The following TAS1R2 variants were observed in gnomAD, a reference collection of about 807,000 sequenced individuals.
The protein encoded by TAS1R2 is taste receptor type 1 member 2.
Under a neutral mutation model 49.3 loss-of-function variants are expected in TAS1R2, and 47 were observed. The observed-to-expected ratio is 0.95, with a 90% confidence interval of 0.75 to 1.22. The LOEUF (loss-of-function observed/expected upper bound fraction) is 1.22, where lower values mean the gene tolerates loss of function less well. Among genes scored for constraint, TAS1R2 ranks in the 50% most tolerant of loss-of-function variants. The pLI is 0.00. For missense variants in TAS1R2, 1,155 were observed against 1,122.1 expected, an observed-to-expected ratio of 1.03 and a Z score of -0.42; for synonymous variants, 479 against 467.9, an observed-to-expected ratio of 1.02 and a Z score of -0.31.
chr1:18,846,850 T>C (rs986514888), intron 4 of TAS1R2, among the ~76,000 whole-genome samples: 2 of 151,924 alleles, frequency 1.3e-5, no homozygotes, highest in Non-Finnish European at 1.5e-5. Context: ...TGGTGGGAGG[T>C]GATTGGATCA....
rs371978810 is a variant in TAS1R2, at chr1:18,854,834, G to A, written c.636C>T (p.Ser212=). 5.2e-5 allele frequency: 83 copies of A among 1,608,328 alleles called. No homozygotes were observed. The South Asian group carries it at 5.5e-4, about 11-fold the overall frequency. ...GGCCATTGTCGCGGCCATAGGTGTC[G>A]CTGCTCACCAGCACAATGATCCAGT... The change falls in exon 3 of 6, where the codon AGC becomes AGT. Residue 212 remains serine (S), a synonymous_variant. Transcript: ENST00000375371. The surrounding 1 kb of genome is among the most constrained non-coding windows in gnomAD (Gnocchi z 4.9).
At chr1:18,841,805 C>A in exon 5 of TAS1R2, 1 of 1,613,726 alleles carries the variant, frequency 6.2e-7, no homozygotes, top group South Asian at 1.1e-5. Context: ...CCACAGGCTT[C>A]TTCTTTTGCC....
intron 1 of TAS1R2, among the ~76,000 whole-genome samples, chr1:18,858,827 T>A (rs1168193290): frequency 1.3e-5 from 2 of 152,206 alleles, no homozygotes; most frequent in African/African-American, 4.8e-5. Flanking sequence ...GCATTTCTCA[T>A]ACTCAACCCT....
At chr1:18,852,384 T>C (rs1037659739) in intron 3 of TAS1R2, among the ~76,000 whole-genome samples, 1 of 152,206 alleles carries the variant, frequency 6.6e-6, no homozygotes, top group Non-Finnish European at 1.5e-5. Flanking sequence ...GCCACAGGTC[T>C]GCGTGCATCC....
At chr1:18,853,212 G>A (rs929856958) in intron 3 of TAS1R2, among the ~76,000 whole-genome samples, 2 of 152,136 alleles carry the variant, frequency 1.3e-5, no homozygotes, top group African/African-American at 2.4e-5. Flanking sequence ...CTCACAGGAG[G>A]GTCATGAGTT....
rs748655290 is a variant in TAS1R2, at chr1:18,839,799, C to T, written c.2320G>A (p.Val774Ile). The T allele has an allele frequency of 3.3e-5, 53 of 1,614,050 alleles. No homozygotes were observed. The highest frequency in any genetic ancestry group is 1.6e-4 in the Middle Eastern group (1 of 6,084). ...GCAGACATGAAGGTGCAGAGGGAGA[C>T]GGATGAGGTGAAATAGAAGGTCATG... The change falls in exon 6 of 6, where the codon GTC (valine) becomes ATC (isoleucine). Residue 774 changes from valine to isoleucine, a missense_variant. Val to Ile is a conservative substitution (Grantham distance 29). Transcript: ENST00000375371.
chr1:18,845,013 C>A (rs998176015), intron 4 of TAS1R2, among the ~76,000 whole-genome samples: 23 of 152,226 alleles, frequency 1.5e-4, no homozygotes, highest in Admixed American at 1.2e-3. Flanking sequence ...AAAAGACCAG[C>A]CAACCAACTG....
At chr1:18,839,955 G>A (rs1933785501) in exon 6 of TAS1R2, 2 of 1,614,188 alleles carry the variant, frequency 1.2e-6, no homozygotes, top group East Asian at 4.5e-5. Context: ...CGGTAGTTGG[G>A]GTTACAGGAG....
intron 4 of TAS1R2, among the ~76,000 whole-genome samples, chr1:18,843,988 T>G (rs547161598): frequency 1.3e-5 from 2 of 152,332 alleles, no homozygotes; most frequent in East Asian, 3.9e-4. Flanking sequence ...AAATCATACC[T>G]AAGACCTCAG....
At chr1:18,846,186 G>A (rs903031402) in intron 4 of TAS1R2, among the ~76,000 whole-genome samples, 1 of 152,174 alleles carries the variant, frequency 6.6e-6, no homozygotes, top group Non-Finnish European at 1.5e-5. Flanking sequence ...CTTGTATTCT[G>A]CCCTAAGGCT....
At chr1:18,851,965 G>A (rs1419748857) in intron 3 of TAS1R2, among the ~76,000 whole-genome samples, 1 of 152,216 alleles carries the variant, frequency 6.6e-6, no homozygotes, top group Non-Finnish European at 1.5e-5. Flanking sequence ...TGTCTGTCTG[G>A]GGGTGACTGA....
chr1:18,855,576 C>T (rs749575913), intron 2 of TAS1R2, among the ~76,000 whole-genome samples: 5 of 152,216 alleles, frequency 3.3e-5, no homozygotes, highest in East Asian at 1.9e-4. Context: ...TGCTCTCCCC[C>T]TCCCTTGGTG....
chr1:18,858,708 A>C lies in TAS1R2; in HGVS notation c.182+771T>G, dbSNP rs115447540. On this transcript the variant is annotated intron_variant, in intron 1 of 5. Transcript: ENST00000375371. ...TTTCATCACAACTATCACCATCATT[A>C]TACACCCCACCATGATCACAAGCAT... Among the ~76,000 whole-genome samples, 1,420 of 152,280 alleles carry C rather than the reference A, an allele frequency of 9.3e-3. 31 individuals carry two copies. The highest frequency in any genetic ancestry group is 0.032 in the African/African-American group (1,333 of 41,534).
chr1:18,855,046 C>A lies in TAS1R2; in HGVS notation c.484-60G>T, dbSNP rs1934115396. On this transcript the variant is annotated intron_variant, in intron 2 of 5. Coordinates refer to ENST00000375371, the Ensembl canonical transcript of TAS1R2. ...CCCGCTGGGTGCTCTGCCCCCACCC[C>A]AGGGCTCTATCCACCATCATCATCT... 6 of 1,557,366 alleles carry A rather than the reference C, an allele frequency of 3.9e-6. 1 individual carries two copies. The Admixed American group carries it at 7.0e-5, about 18-fold the overall frequency.
intron 2 of TAS1R2, among the ~76,000 whole-genome samples, chr1:18,855,892 A>G (rs1407520730): frequency 6.6e-6 from 1 of 151,988 alleles, no homozygotes; most frequent in South Asian, 2.1e-4. Flanking sequence ...TCTTGGCTCT[A>G]CCTTTAAAAT....
chr1:18,855,126 T>A, intron 2 of TAS1R2, 140 bp from the exon 3 acceptor site: 1 of 1,032,882 alleles, frequency 9.7e-7, no homozygotes, highest in Non-Finnish European at 1.4e-6. Context: ...CCATCGTCAA[T>A]CATCATGGTC....
At chr1:18,847,785 T>C (rs1163267488) in intron 4 of TAS1R2, among the ~76,000 whole-genome samples, 1 of 152,212 alleles carries the variant, frequency 6.6e-6, no homozygotes, top group Non-Finnish European at 1.5e-5. Context: ...ACTTTCAAGC[T>C]GCTGATAAAG....
At chr1:18,839,997 T>C (rs1233400823) in exon 6 of TAS1R2, 1 of 1,614,194 alleles carries the variant, frequency 6.2e-7, no homozygotes, top group Admixed American at 1.7e-5. Flanking sequence ...TCGGGGTCAG[T>C]ACGGGTGGTG....
intron 3 of TAS1R2, among the ~76,000 whole-genome samples, chr1:18,852,000 C>G (rs535110404): frequency 6.6e-6 from 1 of 152,204 alleles, no homozygotes; most frequent in Non-Finnish European, 1.5e-5. Context: ...AGGTGAACAC[C>G]GTGTCCGGCA....
Sources: gnomAD v4.1 joint callset for allele counts (sites outside exome capture counted in the v4.1 genomes callset) on GRCh38, gnomAD v4.1.1 for gene constraint, Gnocchi (gnomAD v3.1) non-coding constraint, MANE v1.5 for transcripts, NCBI Gene and HGNC (gene_info 2026-07-23, HGNC 2026-07-21) for gene names.